Variants in DNAH14 observed in about 807,000 individuals in gnomAD.
DNAH14 encodes dynein axonemal heavy chain 14, also known as axonemal beta dynein heavy chain 14.
DNAH14 carries 478 observed loss-of-function variants against 520.9 expected under a neutral mutation model. That is an observed-to-expected ratio of 0.92 (90% confidence interval 0.85 to 0.99). The LOEUF is 0.99. DNAH14 is among the 50% of genes least tolerant of loss of function. DNAH14 has a pLI of 0.00. For synonymous variants in DNAH14, 1,581 were observed against 1,757.2 expected, an observed-to-expected ratio of 0.90 and a Z score of 2.51; for missense variants, 4,831 against 5,234.5, an observed-to-expected ratio of 0.92 and a Z score of 2.38.
rs7535953 is a variant in DNAH14, at chr1:225,346,646, G to T, written c.11288G>T (p.Arg3763Ile). ...ATTAAAAGTGCATTATCCCAGTCTA[G>T]ACTTACTAGTAAGTAAAAGTTACTA... ...INIKSALSQS[R>I]LTSTFEIGES... Residue 3763 changes from arginine (R) to isoleucine (I), a missense_variant, in exon 71 of 86, where the codon AGA (arginine) becomes ATA (isoleucine). Transcript: ENST00000682510. 2 of 1,542,210 alleles carry T rather than the reference G, an allele frequency of 1.3e-6. No homozygotes were observed. The highest frequency in any genetic ancestry group is 1.8e-6 in the Non-Finnish European group (2 of 1,142,200).
chr1:224,983,296 G>A (rs2489343), intron 8 of DNAH14, among the ~76,000 whole-genome samples: 39,700 of 151,870 alleles, frequency 0.26, 8,071 homozygotes, highest in African/African-American at 0.56. Flanking sequence ...GACCATTTGC[G>A]TGAAATGCCT....
chr1:224,990,051 A>G (rs1383075189), intron 8 of DNAH14, among the ~76,000 whole-genome samples: 1 of 151,524 alleles, frequency 6.6e-6, no homozygotes, highest in Admixed American at 6.6e-5. Context: ...TGATATCAGG[A>G]TATTACTAGC....
In DNAH14 at chr1:225,159,430, T is replaced by C; in HGVS notation, c.5390T>C (p.Ile1797Thr). 6.5e-7 allele frequency: 1 copy of C among 1,545,956 alleles called. No homozygotes were observed. The highest frequency in any genetic ancestry group is 8.7e-7 in the Non-Finnish European group (1 of 1,144,888). Residue 1797 changes from isoleucine to threonine, a missense_variant, in exon 35 of 86, where the codon ATA becomes ACA. Physicochemically the swap from Ile to Thr is moderately conservative, Grantham distance 89. Coordinates refer to ENST00000682510, the MANE Select transcript of DNAH14 (RefSeq NM_001367479.1). Reference protein sequence around the residue: ...PEDVPLFENIIGDIFPEVTVL... With the variant: ...PEDVPLFENITGDIFPEVTVL... Reference sequence around the variant, plus strand: ...GATGTCCCACTTTTTGAAAATATTATAGGAGATATTTTTCCAGAAGTGACA... The same window carrying C: ...GATGTCCCACTTTTTGAAAATATTACAGGAGATATTTTTCCAGAAGTGACA...
chr1:225,117,724 A>T lies in DNAH14; in HGVS notation c.3908A>T (p.Tyr1303Phe). The T allele has an allele frequency of 6.5e-7, 1 of 1,550,174 alleles. No individual in the cohort carries two copies. Among genetic ancestry groups the T allele is most frequent in the South Asian group, 1.2e-5 (1 of 84,004 alleles). ...EVKRLIFPRF[Y>F]FLSNAELLDI... ...AAAAGATTAATTTTCCCAAGATTTTACTTTCTTAGCAATGCCGAGCTTCTT... is the reference window on the plus strand; with the variant it reads ...AAAAGATTAATTTTCCCAAGATTTTTCTTTCTTAGCAATGCCGAGCTTCTT... The change falls in exon 24 of 86, where the codon TAC (tyrosine) becomes TTC (phenylalanine). Residue 1303 changes from tyrosine (Y) to phenylalanine (F), a missense_variant. By Grantham distance (22) the Tyr-to-Phe change is conservative (BLOSUM62 3). Coordinates refer to ENST00000682510, the MANE Select transcript of DNAH14 (RefSeq NM_001367479.1).
intron 61 of DNAH14, among the ~76,000 whole-genome samples, chr1:225,322,085 C>CTTTTTTTTTTTTTTTTTTT (rs3047035): frequency 8.1e-4 from 73 of 90,170 alleles, no homozygotes; most frequent in Admixed American, 1.2e-3. Flanking sequence ...TTTTTTCTTT[C>CTTTTTTTTTTTTTTTTTTT]TTTTTTTTTT....
At position 225,250,513 on chromosome 1, in the gene DNAH14, C is replaced by A; in HGVS notation, c.6749-1788C>A. ...AATATACAACAGAGATCGTATGTGGCGTGCTGTTTTAACCATATTCCCTTG... is the reference window on the plus strand; with the variant it reads ...AATATACAACAGAGATCGTATGTGGAGTGCTGTTTTAACCATATTCCCTTG... On this transcript the variant is annotated intron_variant, in intron 43 of 85. Coordinates refer to ENST00000682510, the MANE Select transcript of DNAH14 (RefSeq NM_001367479.1). 2 of 418,802 alleles carry A rather than the reference C, an allele frequency of 4.8e-6. 1 individual carries two copies. The allele number at this position is 418,802 out of a possible 1,614,324, so 25.9% of individuals were successfully genotyped here. A position where few individuals can be genotyped will look rare whatever the true frequency, so the allele number is the denominator to read the frequency against.
rs138071143 is a variant in DNAH14 at position 225,193,459 on chromosome 1, G to A, written c.5886+548G>A. Reference sequence around the variant, plus strand: ...AATCCCAGCTCCTCTGGAGGCTGAGGCAGTAGGGTCACTTAAGCCTGGCAG... The same window carrying A: ...AATCCCAGCTCCTCTGGAGGCTGAGACAGTAGGGTCACTTAAGCCTGGCAG... On this transcript the variant is annotated intron_variant, in intron 38 of 85. Transcript: ENST00000682510. Among the ~76,000 whole-genome samples, 27 of 152,252 alleles carry A rather than the reference G, an allele frequency of 1.8e-4. No homozygotes were observed. The East Asian group carries it at 5.0e-3, about 28-fold the overall frequency.
At chr1:225,203,540 T>C (rs1255097544) in intron 38 of DNAH14, among the ~76,000 whole-genome samples, 1 of 152,220 alleles carries the variant, frequency 6.6e-6, no homozygotes, top group Non-Finnish European at 1.5e-5. Flanking sequence ...GCTGATGATA[T>C]ATTACTCAGC....
At chr1:225,154,793 T>A (rs1336487545) in intron 34 of DNAH14, among the ~76,000 whole-genome samples, 2 of 151,824 alleles carry the variant, frequency 1.3e-5, no homozygotes, top group Non-Finnish European at 2.9e-5. Context: ...ACTAAGACTC[T>A]AAATCTAGAA....
intron 53 of DNAH14, 58 bp from the exon 54 acceptor site, chr1:225,277,352 T>G (rs1398072141): frequency 4.6e-6 from 2 of 439,138 alleles, no homozygotes; most frequent in Non-Finnish European, 9.6e-6. Context: ...AAAACCACAA[T>G]GCACGTTTGA....
At chr1:225,201,116 G>A (rs928813905) in intron 38 of DNAH14, among the ~76,000 whole-genome samples, 3 of 151,648 alleles carry the variant, frequency 2.0e-5, no homozygotes, top group South Asian at 2.1e-4. Flanking sequence ...CCTTGTCTTC[G>A]AGGTCTGAAG....
intron 19 of DNAH14, 116 bp from the exon 20 acceptor site, chr1:225,082,433 A>T: frequency 1.3e-6 from 1 of 751,726 alleles, no homozygotes; most frequent in Non-Finnish European, 2.0e-6. Context: ...GTAGTTTAAT[A>T]ATTGATAAAG....
chr1:224,996,999 C>T (rs1268855831), intron 8 of DNAH14, among the ~76,000 whole-genome samples: 1 of 151,958 alleles, frequency 6.6e-6, no homozygotes, highest in Non-Finnish European at 1.5e-5. Flanking sequence ...GGAGGCTGAG[C>T]CATCTAGGGA....
At chr1:225,220,645 A>G (rs1321221305) in intron 41 of DNAH14, among the ~76,000 whole-genome samples, 1 of 152,230 alleles carries the variant, frequency 6.6e-6, no homozygotes, top group African/African-American at 2.4e-5. Context: ...GCTCAAGGAA[A>G]TAAGAGAGGA....
In DNAH14 at chr1:225,265,350, G is replaced by T; in HGVS notation, c.7391G>T (p.Gly2464Val). Reference sequence around the variant, plus strand: ...ATAAGAAGAACTAAAGATACTCTTGGAGCACCAAAAAACAACCGGGTAAAA... The same window carrying T: ...ATAAGAAGAACTAAAGATACTCTTGTAGCACCAAAAAACAACCGGGTAAAA... ...KLIRRTKDTL[G>V]APKNNRILIF... Residue 2464 changes from glycine (G) to valine (V), a missense_variant, in exon 48 of 86, where the codon GGA becomes GTA. Physicochemically the swap from Gly to Val is moderately radical, Grantham distance 109. Coordinates refer to ENST00000682510, the MANE Select transcript of DNAH14 (RefSeq NM_001367479.1). The T allele has an allele frequency of 6.5e-7, 1 of 1,534,502 alleles. No individual in the cohort carries two copies. The highest frequency in any genetic ancestry group is 1.3e-5 in the South Asian group (1 of 79,584).
At chr1:225,300,713 AG>A (rs1282110859) in intron 55 of DNAH14, among the ~76,000 whole-genome samples, 155 bp from the exon 56 acceptor site, 2 of 151,628 alleles carry the variant, frequency 1.3e-5, no homozygotes, top group Non-Finnish European at 2.9e-5. Context: ...TCAAAAAAAA[AG>A]GTGGGGGGTG....
chr1:225,109,342 A>C (rs965283055), intron 23 of DNAH14, among the ~76,000 whole-genome samples: 5 of 152,128 alleles, frequency 3.3e-5, no homozygotes, highest in African/African-American at 4.8e-5. Flanking sequence ...CTTGCAATTC[A>C]TGTAATATGG....
intron 36 of DNAH14, among the ~76,000 whole-genome samples, chr1:225,170,300 C>T (rs1020950006): frequency 6.6e-6 from 1 of 152,166 alleles, no homozygotes; most frequent in African/African-American, 2.4e-5. Context: ...GGGCTGAATG[C>T]TCCAATTAAA....
chr1:225,336,837 A>C (rs2095066141), intron 66 of DNAH14, among the ~76,000 whole-genome samples: 1 of 152,216 alleles, frequency 6.6e-6, no homozygotes, highest in Non-Finnish European at 1.5e-5. Flanking sequence ...TAGTAATTTC[A>C]CTATGTGGTA....
Sources: allele counts gnomAD v4.1 joint callset (sites outside exome capture counted in the v4.1 genomes callset), GRCh38; gene constraint gnomAD v4.1.1; transcripts MANE v1.5; gene names NCBI Gene and HGNC (gene_info 2026-07-23, HGNC 2026-07-21).